Variants in DIPK1A observed in about 807,000 individuals in gnomAD.
The protein encoded by DIPK1A is family with sequence similarity 69 member A.
A neutral mutation model predicts 40.8 loss-of-function variants in DIPK1A; 27 were observed. That is an observed-to-expected ratio of 0.66 (90% confidence interval 0.49 to 0.91). DIPK1A has a LOEUF of 0.91. DIPK1A is among the 40% of genes least tolerant of loss of function. The probability of loss-of-function intolerance (pLI) is 0.00; values close to 1 mark genes in which losing one functional copy is unlikely to be tolerated. For synonymous variants in DIPK1A, 166 were observed against 171.3 expected (o/e 0.97, Z 0.24); for missense variants, 412 against 505.7 (o/e 0.81, Z 1.78).
exon 5 of DIPK1A, chr1:92,832,773 G>A: frequency 3.9e-6 from 2 of 506,512 alleles, no homozygotes; most frequent in Non-Finnish European, 3.5e-6. Context: ...GGGATGAAAT[G>A]TTGCTTTAGC....
chr1:92,837,222 T>TG (rs2100687408), downstream of DIPK1A: 1 of 694,832 alleles, frequency 1.4e-6, no homozygotes, highest in South Asian at 1.4e-5. Flanking sequence ...TGGAAAGCCT[T>TG]GGTAATGGCT....
intron 1 of DIPK1A, among the ~76,000 whole-genome samples, chr1:92,918,991 C>T (rs1483717003): frequency 6.6e-6 from 1 of 152,182 alleles, no homozygotes; most frequent in Non-Finnish European, 1.5e-5. Context: ...TCTCTTCCTG[C>T]CGTGCAGCCT....
chr1:92,848,524 A>G (rs1344216510), intron 3 of DIPK1A, among the ~76,000 whole-genome samples: 1 of 152,152 alleles, frequency 6.6e-6, no homozygotes, highest in African/African-American at 2.4e-5. Context: ...TGGCTCCTTT[A>G]CATCATTCAA....
intron 2 of DIPK1A, among the ~76,000 whole-genome samples, chr1:92,856,776 TAAGAC>T (rs1473402195): frequency 1.3e-5 from 2 of 152,008 alleles, no homozygotes; most frequent in Non-Finnish European, 2.9e-5. Context: ...AAAGACAAGA[TAAGAC>T]AAGATGTGAT....
rs909832039 is a variant in DIPK1A at position 92,896,107 on chromosome 1, C to T, written c.55-19677G>A. Among the ~76,000 whole-genome samples, 63 of 152,130 alleles carry T rather than the reference C, an allele frequency of 4.1e-4. 1 individual carries two copies. Among genetic ancestry groups the T allele is most frequent in the Admixed American group, 9.8e-4 (15 of 15,272 alleles). On this transcript the variant is annotated intron_variant, in intron 1 of 4. Coordinates refer to ENST00000370310, the MANE Select transcript of DIPK1A (RefSeq NM_001006605.5). ...AAGTAATTTATAGATTCAATGCCATCCCCATCAAGCTACCAATGACTTTCT... is the reference window on the plus strand; with the variant it reads ...AAGTAATTTATAGATTCAATGCCATTCCCATCAAGCTACCAATGACTTTCT...
At chr1:92,954,542 T>C (rs1432155687) in intron 1 of DIPK1A, among the ~76,000 whole-genome samples, 1 of 151,816 alleles carries the variant, frequency 6.6e-6, no homozygotes, top group East Asian at 1.9e-4. Flanking sequence ...ACCCGGCTAT[T>C]TTTTGTACTT....
At chr1:92,898,161 G>A (rs1649262620) in intron 1 of DIPK1A, among the ~76,000 whole-genome samples, 1 of 152,096 alleles carries the variant, frequency 6.6e-6, no homozygotes, top group South Asian at 2.1e-4. Context: ...TGGTTCTGCA[G>A]GCTGTACAAG....
chr1:92,937,590 A>G (rs1650993047), intron 1 of DIPK1A, among the ~76,000 whole-genome samples: 1 of 152,176 alleles, frequency 6.6e-6, no homozygotes, highest in Non-Finnish European at 1.5e-5. Flanking sequence ...TGAACCAACT[A>G]TTGCCAAAGT....
chr1:92,847,394 C>CCTG, intron 3 of DIPK1A, 35 bp from the exon 4 acceptor site: 1 of 1,429,624 alleles, frequency 7.0e-7, no homozygotes, highest in South Asian at 1.5e-5. Context: ...ATGTATTATA[C>CCTG]TGAGTAGAAA....
chr1:92,833,427 G>A (rs1212774738), intron 4 of DIPK1A: 2 of 1,614,038 alleles, frequency 1.2e-6, no homozygotes, highest in Non-Finnish European at 8.5e-7. Flanking sequence ...CCTACTTTAA[G>A]AGATACCAAG....
At chr1:92,959,872 G>A (rs1410131709) in intron 1 of DIPK1A, among the ~76,000 whole-genome samples, 4 of 142,484 alleles carry the variant, frequency 2.8e-5, no homozygotes, top group Non-Finnish European at 4.5e-5. Flanking sequence ...TCAGCCTCCC[G>A]GAGTAGCTGG....
At chr1:92,851,411 C>T (rs1296307682) in intron 2 of DIPK1A, among the ~76,000 whole-genome samples, 5 of 151,550 alleles carry the variant, frequency 3.3e-5, no homozygotes, top group Admixed American at 1.3e-4. Flanking sequence ...GGCGTGGTGG[C>T]GGGCGCCTGT....
rs1417669695 is a variant in DIPK1A, at chr1:92,846,838, T to C, written c.474+345A>G. ...ATATATATATATATATATATATATA[T>C]ATATGTGTGTATATATATATGTGTG... On this transcript the variant is annotated intron_variant, in intron 4 of 4. Transcript: ENST00000370310. Among the ~76,000 whole-genome samples, 5 of 5,274 alleles carry C rather than the reference T, an allele frequency of 9.5e-4. No individual in the cohort carries two copies. The African/African-American group carries it at 0.012, about 13-fold the overall frequency. The allele number at this position is 5,274 out of a possible 152,430, so 3.5% of individuals were successfully genotyped here. A position where few individuals can be genotyped will look rare whatever the true frequency, so the allele number is the denominator to read the frequency against.
chr1:92,914,338 T>C (rs1266198114), intron 1 of DIPK1A, among the ~76,000 whole-genome samples: 1 of 152,124 alleles, frequency 6.6e-6, no homozygotes, highest in Non-Finnish European at 1.5e-5. Context: ...ACATTTTAAT[T>C]ATTAATCACA....
In DIPK1A at chr1:92,845,628, T is replaced by G. The variant is rs888175314; in HGVS notation, c.475-1433A>C. On this transcript the variant is annotated intron_variant, in intron 4 of 4. Transcript: ENST00000370310. ...CTGAGGCGGGTGGATCACCATGAGG[T>G]CAGGAGTTCGAGACCAGCCTGGCCA... The G allele has an allele frequency of 1.4e-4, 31 of 225,560 alleles. 1 individual carries two copies. Among genetic ancestry groups the G allele is most frequent in the South Asian group, 6.7e-4 (15 of 22,400 alleles). The allele number at this position is 225,560 out of a possible 1,614,324, so 14.0% of individuals were successfully genotyped here.
chr1:92,959,682 A>C (rs1001251303), intron 1 of DIPK1A, among the ~76,000 whole-genome samples: 3 of 150,682 alleles, frequency 2.0e-5, no homozygotes, highest in African/African-American at 4.9e-5. Flanking sequence ...CGATCTCCTG[A>C]CCTCGTGATC....
chr1:92,901,609 C>T (rs2811590), intron 1 of DIPK1A, among the ~76,000 whole-genome samples: 2 of 151,800 alleles, frequency 1.3e-5, no homozygotes, highest in African/African-American at 2.4e-5. Context: ...TGAGCCAATA[C>T]GGCTCAGTAA....
chr1:92,911,408 T>C (rs1649819886), intron 1 of DIPK1A, among the ~76,000 whole-genome samples: 1 of 152,190 alleles, frequency 6.6e-6, no homozygotes, highest in African/African-American at 2.4e-5. Context: ...CTCTAAAACT[T>C]TGAGAAATAA....
chr1:92,912,955 T>A (rs1053036449), intron 1 of DIPK1A, among the ~76,000 whole-genome samples: 41 of 151,470 alleles, frequency 2.7e-4, no homozygotes, highest in African/African-American at 1.0e-3. Flanking sequence ...AAAAAAAAAA[T>A]TAGCTAGGCA....
Sources: gnomAD v4.1 joint callset for allele counts (sites outside exome capture counted in the v4.1 genomes callset) on GRCh38, gnomAD v4.1.1 for gene constraint, MANE v1.5 for transcripts, NCBI Gene and HGNC (gene_info 2026-07-23, HGNC 2026-07-21) for gene names.